The following RABGAP1L variants were observed in gnomAD, a reference collection of about 807,000 sequenced individuals.
The protein encoded by RABGAP1L is rab GTPase-activating protein 1-like.
In RABGAP1L, 63 loss-of-function variants were observed where a neutral mutation model predicts 137.7. The observed-to-expected ratio is 0.46, with a 90% CI of 0.37 to 0.56. The LOEUF is 0.56. RABGAP1L is among the 20% of genes least tolerant of loss of function. RABGAP1L has a pLI of 0.00. For synonymous variants in RABGAP1L, 431 were observed against 433.7 expected (o/e 0.99, Z 0.08); for missense variants, 1,095 against 1,244.0 (o/e 0.88, Z 1.80).
At chr1:174,867,098 G>A (rs1651391782) in intron 19 of RABGAP1L, among the ~76,000 whole-genome samples, 1 of 151,132 alleles carries the variant, frequency 6.6e-6, no homozygotes, top group African/African-American at 2.4e-5. Flanking sequence ...AAAAATGATA[G>A]ATAGCCAGCC....
rs1197005744 is a variant in RABGAP1L, at chr1:174,195,657, CCTTTCCTTTCCTTTCCTT to C, written c.-33-23459_-33-23442del. Among the ~76,000 whole-genome samples, 34 of 92,382 alleles carry C rather than the reference CCTTTCCTTTCCTTTCCTT, an allele frequency of 3.7e-4. No homozygotes were observed. The East Asian group carries it at 0.015, about 40-fold the overall frequency. The allele number at this position is 92,382 out of a possible 152,430, so 60.6% of individuals were successfully genotyped here. A position where few individuals can be genotyped will look rare whatever the true frequency, so the allele number is the denominator to read the frequency against. On this transcript the variant is annotated intron_variant, in intron 1 of 25. Coordinates refer to ENST00000681986, the MANE Select transcript of RABGAP1L (RefSeq NM_001366446.1). Reference sequence around the variant, plus strand: ...CCTTCCTTCCTTCCTTCCTTCCTTTCCTTTCCTTTCCTTTCCTTCTTTCCTTCTTTCCTTCTTTCCTTC... The same window carrying C: ...CCTTCCTTCCTTCCTTCCTTCCTTTCCTTTCCTTCTTTCCTTCTTTCCTTC...
At chr1:174,850,398 T>C (rs999265857) in intron 19 of RABGAP1L, among the ~76,000 whole-genome samples, 2 of 152,228 alleles carry the variant, frequency 1.3e-5, no homozygotes, top group Admixed American at 6.5e-5. Context: ...ACAGTTATTA[T>C]TCCCAGGGAA....
chr1:174,239,438 A>G lies in RABGAP1L; in HGVS notation c.543-2045A>G, dbSNP rs563479717. Among the ~76,000 whole-genome samples, 34 of 152,142 alleles carry G rather than the reference A, an allele frequency of 2.2e-4. No homozygotes were observed. In the South Asian group the frequency reaches 6.8e-3, roughly 31 times the overall value. Reference sequence around the variant, plus strand: ...TCCCGCCCCAGGACCTTGGCATATTATCTTTATACTCCCTAAGTAAATCTT... The same window carrying G: ...TCCCGCCCCAGGACCTTGGCATATTGTCTTTATACTCCCTAAGTAAATCTT... On this transcript the variant is annotated intron_variant, in intron 4 of 25. Coordinates refer to ENST00000681986, the MANE Select transcript of RABGAP1L (RefSeq NM_001366446.1).
At chr1:174,527,499 C>A (rs916382068) in intron 13 of RABGAP1L, among the ~76,000 whole-genome samples, 12 of 152,154 alleles carry the variant, frequency 7.9e-5, no homozygotes, top group African/African-American at 2.9e-4. Flanking sequence ...AGCTACCATG[C>A]CTGGCCTATG....
chr1:174,196,105 A>G (rs1667669963), intron 1 of RABGAP1L, among the ~76,000 whole-genome samples: 1 of 151,564 alleles, frequency 6.6e-6, no homozygotes, highest in Non-Finnish European at 1.5e-5. Context: ...AGCATGAGCC[A>G]CCACGCCTGG....
intron 17 of RABGAP1L, among the ~76,000 whole-genome samples, chr1:174,719,395 G>C (rs1406512028): frequency 6.6e-6 from 1 of 152,090 alleles, no homozygotes. Flanking sequence ...ATATCAAATA[G>C]TACTTTGAAC....
chr1:174,729,749 C>T (rs1350634399), intron 17 of RABGAP1L, among the ~76,000 whole-genome samples: 1 of 152,110 alleles, frequency 6.6e-6, no homozygotes, highest in East Asian at 1.9e-4. Context: ...CAGAGAAATT[C>T]AAATCAAAAC....
intron 7 of RABGAP1L, among the ~76,000 whole-genome samples, chr1:174,271,549 C>T (rs1224898478): frequency 6.6e-6 from 1 of 152,012 alleles, no homozygotes; most frequent in Non-Finnish European, 1.5e-5. Context: ...CAGAGGGACC[C>T]TGTGGACAGA....
At chr1:174,349,691 C>T (rs1432682172) in intron 11 of RABGAP1L, among the ~76,000 whole-genome samples, 1 of 137,958 alleles carries the variant, frequency 7.2e-6, no homozygotes, top group Non-Finnish European at 1.6e-5. Context: ...GGGCTGACAC[C>T]CCCACCTCCC....
chr1:174,278,087 A>G (rs889742840), intron 9 of RABGAP1L, among the ~76,000 whole-genome samples: 1 of 152,152 alleles, frequency 6.6e-6, no homozygotes, highest in African/African-American at 2.4e-5. Flanking sequence ...AATGGTATGG[A>G]ATGACCAGGC....
intron 1 of RABGAP1L, among the ~76,000 whole-genome samples, chr1:174,213,536 T>C (rs1420110478): frequency 6.6e-6 from 1 of 152,182 alleles, no homozygotes; most frequent in East Asian, 1.9e-4. Context: ...TAAACAACTG[T>C]AGGCTAATAT....
rs530722452 is a variant in RABGAP1L at position 174,711,365 on chromosome 1, G to A, written c.2169+9109G>A. Among the ~76,000 whole-genome samples, 6 of 152,250 alleles carry A rather than the reference G, an allele frequency of 3.9e-5. No homozygotes were observed. In the East Asian group the frequency reaches 1.2e-3, roughly 30 times the overall value. ...GGCAGAGGAGGCACTGAGAGTGAGT[G>A]AGGGCTGCCGGCACGCTGTCACCTC... is the stretch of plus-strand genomic sequence containing the variant. On this transcript the variant is annotated intron_variant, in intron 17 of 25. Transcript: ENST00000681986.
chr1:174,984,464 G>A (rs1000214281), intron 24 of RABGAP1L, among the ~76,000 whole-genome samples: 1 of 152,228 alleles, frequency 6.6e-6, no homozygotes, highest in Admixed American at 6.5e-5. Context: ...AGTTGGGCCA[G>A]GTGTGGTGGC....
chr1:174,324,267 A>G (rs1238371523), intron 11 of RABGAP1L, among the ~76,000 whole-genome samples: 1 of 152,178 alleles, frequency 6.6e-6, no homozygotes, highest in African/African-American at 2.4e-5. Context: ...GATAGATTAG[A>G]GATATTCTGG....
chr1:174,793,518 T>C (rs1009294957), intron 18 of RABGAP1L, among the ~76,000 whole-genome samples: 1 of 152,242 alleles, frequency 6.6e-6, no homozygotes, highest in Admixed American at 6.5e-5. Context: ...AATTCTTCGA[T>C]GTTTGAGTTC....
At chr1:174,723,945 A>C (rs921598828) in intron 17 of RABGAP1L, among the ~76,000 whole-genome samples, 13 of 152,244 alleles carry the variant, frequency 8.5e-5, no homozygotes, top group Admixed American at 7.2e-4. Flanking sequence ...TGAGAGAGTC[A>C]AAATAGTTGT....
intron 24 of RABGAP1L, among the ~76,000 whole-genome samples, chr1:174,987,292 G>T (rs1486321914): frequency 6.6e-6 from 1 of 152,080 alleles, no homozygotes; most frequent in Non-Finnish European, 1.5e-5. Context: ...TCAGCCGCCT[G>T]AGTAGCTGGG....
chr1:174,740,492 T>G (rs774316700), intron 17 of RABGAP1L, among the ~76,000 whole-genome samples: 4 of 152,170 alleles, frequency 2.6e-5, no homozygotes, highest in Non-Finnish European at 5.9e-5. Flanking sequence ...ATCAGCTGTT[T>G]CCAGGCAAAA....
chr1:174,392,548 GC>G (rs1647283113), intron 12 of RABGAP1L, among the ~76,000 whole-genome samples: 1 of 152,176 alleles, frequency 6.6e-6, no homozygotes, highest in Non-Finnish European at 1.5e-5. Context: ...GCTAGAAAAG[GC>G]TAAAAGAAAC....
Sources: allele counts gnomAD v4.1 joint callset (sites outside exome capture counted in the v4.1 genomes callset), GRCh38; gene constraint gnomAD v4.1.1; transcripts MANE v1.5; gene names NCBI Gene and HGNC (gene_info 2026-07-23, HGNC 2026-07-21).